The following FHIT variants were observed in gnomAD, a reference collection of about 807,000 sequenced individuals.
FHIT encodes the protein bis(5'-adenosyl)-triphosphatase.
A neutral mutation model predicts 17.9 loss-of-function variants in FHIT; 19 were observed. The ratio of observed to expected loss-of-function variants is 1.06; its 90% CI spans 0.74 to 1.56. The LOEUF is 1.56. Among genes scored for constraint, FHIT ranks in the 40% most tolerant of loss-of-function variants. The pLI is 0.00. For missense variants in FHIT, 248 were observed against 189.2 expected (o/e 1.31, Z -1.82); for synonymous variants, 81 against 69.7 (o/e 1.16, Z -0.81).
intron 1 of FHIT, among the ~76,000 whole-genome samples, chr3:61,215,335 A>G (rs948634398): frequency 3.9e-5 from 6 of 152,124 alleles, no homozygotes; most frequent in Admixed American, 1.3e-4. Flanking sequence ...AAATCAATGT[A>G]CAAAAATCAC....
At chr3:60,228,020 C>G (rs924757822) in intron 5 of FHIT, among the ~76,000 whole-genome samples, 1 of 152,152 alleles carries the variant, frequency 6.6e-6, no homozygotes, top group East Asian at 1.9e-4. Context: ...TTTACTACCA[C>G]TTAACTTTTT....
chr3:60,878,455 C>A (rs951927741), intron 3 of FHIT, among the ~76,000 whole-genome samples: 2 of 152,028 alleles, frequency 1.3e-5, no homozygotes, highest in African/African-American at 2.4e-5. Flanking sequence ...CCACTGAGGA[C>A]ATTAACAACC....
chr3:60,462,947 C>G (rs547285779), intron 5 of FHIT, among the ~76,000 whole-genome samples: 1 of 152,208 alleles, frequency 6.6e-6, no homozygotes, highest in Non-Finnish European at 1.5e-5. Flanking sequence ...ATTGTCACAG[C>G]CTGATGTGCA....
At chr3:60,097,746 G>T in intron 5 of FHIT, among the ~76,000 whole-genome samples, 4 of 148,650 alleles carry the variant, frequency 2.7e-5, no homozygotes, top group South Asian at 2.2e-4. Flanking sequence ...TAAGTTTTAG[G>T]GTACATGTGC....
chr3:60,357,472 C>A (rs1699722201), intron 5 of FHIT, among the ~76,000 whole-genome samples: 1 of 152,022 alleles, frequency 6.6e-6, no homozygotes, highest in Non-Finnish European at 1.5e-5. Context: ...CTCAAACTCC[C>A]AACTTCAGGT....
At chr3:60,687,418 TA>T (rs1237575793) in intron 4 of FHIT, among the ~76,000 whole-genome samples, 2 of 152,106 alleles carry the variant, frequency 1.3e-5, no homozygotes, top group Non-Finnish European at 2.9e-5. Context: ...CTGGAGTTTT[TA>T]GAAAAAAATT....
At chr3:60,270,538 T>C (rs1380257881) in intron 5 of FHIT, among the ~76,000 whole-genome samples, 11 of 152,218 alleles carry the variant, frequency 7.2e-5, no homozygotes, top group Admixed American at 5.9e-4. Context: ...TAAAAGCACT[T>C]GGACTATAAA....
At chr3:60,057,938 G>A (rs999681823) in intron 5 of FHIT, among the ~76,000 whole-genome samples, 5 of 150,932 alleles carry the variant, frequency 3.3e-5, no homozygotes, top group Non-Finnish European at 7.4e-5. Flanking sequence ...CTCAGTGACT[G>A]GTTTTCTGCA....
rs148131509 is a variant in FHIT at position 60,376,403 on chromosome 3, A to T, written c.103+160457T>A. Among the ~76,000 whole-genome samples, 13 of 152,376 alleles carry T rather than the reference A, an allele frequency of 8.5e-5. No individual in the cohort carries two copies. In the East Asian group the frequency reaches 2.5e-3, roughly 29 times the overall value. On this transcript the variant is annotated intron_variant, in intron 5 of 9. Transcript: ENST00000492590. ...TGTTTACAAGGTGTGAACTTTCTGG[A>T]AAAGTCCAGAAAATGCCACCAGAAA...
intron 5 of FHIT, among the ~76,000 whole-genome samples, chr3:60,448,468 G>C (rs1031373287): frequency 3.9e-5 from 6 of 152,144 alleles, no homozygotes; most frequent in Non-Finnish European, 7.4e-5. Context: ...CTGTGCCAAG[G>C]ATATTACATA....
chr3:61,046,412 C>A (rs2033790067), intron 2 of FHIT, among the ~76,000 whole-genome samples: 3 of 152,286 alleles, frequency 2.0e-5, no homozygotes, highest in Non-Finnish European at 4.4e-5. Context: ...AATTCCTAGA[C>A]ACATACACCC....
At chr3:61,068,208 C>T (rs775856492) in intron 2 of FHIT, among the ~76,000 whole-genome samples, 7 of 152,204 alleles carry the variant, frequency 4.6e-5, no homozygotes, top group African/African-American at 1.4e-4. Flanking sequence ...TGACACAACT[C>T]GCACCAAGCT....
intron 4 of FHIT, among the ~76,000 whole-genome samples, chr3:60,723,175 C>T (rs935551537): frequency 1.3e-5 from 2 of 152,168 alleles, no homozygotes; most frequent in Non-Finnish European, 2.9e-5. Flanking sequence ...GAATCCTCCT[C>T]CTAACACCTT....
intron 5 of FHIT, among the ~76,000 whole-genome samples, chr3:60,270,539 G>C (rs938351256): frequency 6.6e-6 from 1 of 152,142 alleles, no homozygotes; most frequent in African/African-American, 2.4e-5. Flanking sequence ...AAAAGCACTT[G>C]GACTATAAAT....
chr3:60,124,365 A>G (rs1377251584), intron 5 of FHIT, among the ~76,000 whole-genome samples: 1 of 152,030 alleles, frequency 6.6e-6, no homozygotes, highest in Non-Finnish European at 1.5e-5. Flanking sequence ...AACCAGGTTC[A>G]TTAATAAAAT....
At chr3:60,766,947 G>C (rs999925107) in intron 4 of FHIT, among the ~76,000 whole-genome samples, 5 of 152,126 alleles carry the variant, frequency 3.3e-5, no homozygotes, top group African/African-American at 1.2e-4. Flanking sequence ...ATACCTTTTG[G>C]AATGTGGCAT....
chr3:60,910,727 C>T (rs969957718), intron 3 of FHIT, among the ~76,000 whole-genome samples: 17 of 152,014 alleles, frequency 1.1e-4, no homozygotes, highest in South Asian at 4.2e-4. Flanking sequence ...CTTTCTCTAG[C>T]GATGTGTTCA....
intron 5 of FHIT, among the ~76,000 whole-genome samples, chr3:60,340,305 CAT>C (rs1442084040): frequency 6.6e-6 from 1 of 152,144 alleles, no homozygotes; most frequent in Non-Finnish European, 1.5e-5. Context: ...AGAAGAAAAA[CAT>C]ATGGCTTTCT....
intron 5 of FHIT, among the ~76,000 whole-genome samples, chr3:60,059,955 T>A (rs1306678746): frequency 6.6e-6 from 1 of 152,224 alleles, no homozygotes; most frequent in Non-Finnish European, 1.5e-5. Flanking sequence ...TTTGAACTTA[T>A]AAGCATTAAC....
Sources: allele counts gnomAD v4.1 joint callset (sites outside exome capture counted in the v4.1 genomes callset), GRCh38; gene constraint gnomAD v4.1.1; transcripts MANE v1.5; gene names NCBI Gene and HGNC (gene_info 2026-07-23, HGNC 2026-07-21).